The following OR56A3 variants were observed in gnomAD, a reference collection of about 807,000 sequenced individuals.
The protein encoded by OR56A3 is olfactory receptor family 56 subfamily A member 3, also known as olfactory receptor 56A3.
Under a neutral mutation model 17.5 loss-of-function variants are expected in OR56A3, and 23 were observed. The observed-to-expected ratio is 1.32, with a 90% CI of 0.95 to 1.87. The LOEUF (loss-of-function observed/expected upper bound fraction) is 1.87. OR56A3 is among the 40% of genes most tolerant of loss of function. The pLI is 0.00. For missense variants in OR56A3, 366 were observed against 380.1 expected, an observed-to-expected ratio of 0.96 and a Z score of 0.31; for synonymous variants, 175 against 150.6, an observed-to-expected ratio of 1.16 and a Z score of -1.19.
At chr11:5,974,394 C>A in the OR56A3 span, among the ~76,000 whole-genome samples, 1 of 152,110 alleles carries the variant, frequency 6.6e-6, no homozygotes, top group East Asian at 1.9e-4. Flanking sequence ...CATGAGCCAC[C>A]GCACCTGGCC....
chr11:5,967,704 G>A, the OR56A3 span: 1 of 1,613,480 alleles, frequency 6.2e-7, no homozygotes, highest in Non-Finnish European at 8.5e-7. Flanking sequence ...GGCCAGGTTA[G>A]TGATGACCAG....
At chr11:6,011,081 GCTC>G in the OR56A3 span, among the ~76,000 whole-genome samples, 3 of 151,908 alleles carry the variant, frequency 2.0e-5, no homozygotes, top group Non-Finnish European at 2.9e-5. Context: ...ACTAATAAAT[GCTC>G]CTATCACAGC....
the OR56A3 span, among the ~76,000 whole-genome samples, chr11:6,011,204 T>TATACATACATATATA: frequency 8.2e-6 from 1 of 122,524 alleles, no homozygotes; most frequent in Non-Finnish European, 1.8e-5. Flanking sequence ...GAGATTTATT[T>TATACATACATATATA]TATATATATA....
chr11:5,958,554 T>G, the OR56A3 span, among the ~76,000 whole-genome samples: 1 of 152,158 alleles, frequency 6.6e-6, no homozygotes, highest in African/African-American at 2.4e-5. Context: ...TGTTTTGAAG[T>G]ATATATGCAT....
In OR56A3 at chr11:5,947,707, G is replaced by T. The variant is rs1158756422; in HGVS notation, c.361G>T (p.Val121Phe). ...FLAMESCTFM[V>F]MAYDRYVAIC... ...AGCCATGGAGTCTTGCACATTCATG[G>T]TCATGGCCTATGATCGTTATGTAGC... The change falls in exon 3 of 3, where the codon GTC becomes TTC. Residue 121 changes from valine to phenylalanine, a missense_variant. Coordinates refer to ENST00000641160, the MANE Select transcript of OR56A3 (RefSeq NM_001003443.3). The T allele has an allele frequency of 3.1e-6, 5 of 1,614,104 alleles. No homozygotes were observed. Among genetic ancestry groups the T allele is most frequent in the Non-Finnish European group, 4.2e-6 (5 of 1,180,018 alleles).
At chr11:5,980,188 A>G in the OR56A3 span, among the ~76,000 whole-genome samples, 1 of 152,090 alleles carries the variant, frequency 6.6e-6, no homozygotes, top group Non-Finnish European at 1.5e-5. Flanking sequence ...TGTTCTGTAG[A>G]TGTCTCTTAG....
chr11:6,021,846 T>C, the OR56A3 span: 1 of 152,068 alleles, frequency 6.6e-6, no homozygotes, highest in Admixed American at 6.6e-5. Context: ...TAAGTAAAAA[T>C]ATTGCAATAT....
the OR56A3 span, among the ~76,000 whole-genome samples, chr11:5,977,435 G>C: frequency 6.6e-6 from 1 of 152,098 alleles, no homozygotes; most frequent in Admixed American, 6.6e-5. Context: ...TCTCATTGTG[G>C]TTTTGATTTT....
the OR56A3 span, chr11:6,002,718 A>T: frequency 5.0e-6 from 8 of 1,614,222 alleles, no homozygotes; most frequent in Non-Finnish European, 6.8e-6. Context: ...GATCGACCTG[A>T]GGTCAAACCA....
At chr11:5,998,818 A>T in the OR56A3 span, among the ~76,000 whole-genome samples, 1 of 152,234 alleles carries the variant, frequency 6.6e-6, no homozygotes, top group African/African-American at 2.4e-5. Flanking sequence ...GTCATGAATT[A>T]CGAAGATAAT....
chr11:5,991,846 T>C, the OR56A3 span, among the ~76,000 whole-genome samples: 1 of 152,168 alleles, frequency 6.6e-6, no homozygotes, highest in African/African-American at 2.4e-5. Context: ...CAGGATATTA[T>C]TACCAATTGG....
At chr11:5,986,664 C>A in the OR56A3 span, 1 of 1,613,926 alleles carries the variant, frequency 6.2e-7, no homozygotes, top group Non-Finnish European at 8.5e-7. Flanking sequence ...AGGCCAGAAC[C>A]AGGTCGATGG....
At chr11:5,967,140 A>G in the OR56A3 span, 1 of 157,708 alleles carries the variant, frequency 6.3e-6, no homozygotes, top group African/African-American at 2.4e-5. Context: ...AAAAAAAAAA[A>G]AATTATTCAC....
chr11:5,983,872 C>G, the OR56A3 span, among the ~76,000 whole-genome samples: 3 of 140,120 alleles, frequency 2.1e-5, no homozygotes, highest in African/African-American at 5.1e-5. Context: ...GTAGTAAACA[C>G]TCTCTTTTTT....
chr11:5,975,519 T>C, the OR56A3 span, among the ~76,000 whole-genome samples: 2,058 of 151,922 alleles, frequency 0.014, 53 homozygotes, highest in African/African-American at 0.047. Flanking sequence ...CATCCATGTC[T>C]CTACAAAGGA....
At chr11:5,978,188 G>C in the OR56A3 span, among the ~76,000 whole-genome samples, 3 of 152,048 alleles carry the variant, frequency 2.0e-5, no homozygotes, top group Non-Finnish European at 4.4e-5. Flanking sequence ...GGCTATTCAG[G>C]TTCTTTTTGG....
At chr11:5,966,264 C>T in the OR56A3 span, among the ~76,000 whole-genome samples, 1 of 149,588 alleles carries the variant, frequency 6.7e-6, no homozygotes, top group Non-Finnish European at 1.5e-5. Flanking sequence ...GTCCCAGCTA[C>T]TTGGGAGGCT....
the OR56A3 span, among the ~76,000 whole-genome samples, chr11:5,999,230 A>G: frequency 3.3e-5 from 5 of 152,300 alleles, no homozygotes; most frequent in Non-Finnish European, 5.9e-5. Flanking sequence ...CTCAAATTCC[A>G]TGGATACCTT....
At chr11:5,985,477 C>A in the OR56A3 span, among the ~76,000 whole-genome samples, 5 of 152,220 alleles carry the variant, frequency 3.3e-5, no homozygotes, top group African/African-American at 1.2e-4. Context: ...ACCTTCTCAG[C>A]TGCTTTGAAG....
Sources: allele counts gnomAD v4.1 joint callset (sites outside exome capture counted in the v4.1 genomes callset), GRCh38; gene constraint gnomAD v4.1.1; transcripts MANE v1.5; gene names NCBI Gene and HGNC (gene_info 2026-07-23, HGNC 2026-07-21).